EBF4: variants seen among roughly 807,000 people sequenced by gnomAD.
The protein encoded by EBF4 is EBF transcription factor 4, also known as transcription factor COE4.
EBF4 carries 34 observed loss-of-function variants against 67.1 expected under a neutral mutation model. That is an observed-to-expected ratio of 0.51 (90% CI 0.39 to 0.67). EBF4 has a LOEUF of 0.67. Ranked by LOEUF, EBF4 falls within the 30% of genes least tolerant of loss-of-function variation. The probability of loss-of-function intolerance (pLI) is 0.00; values close to 1 mark genes in which losing one functional copy is unlikely to be tolerated. For synonymous variants in EBF4, 387 were observed against 377.7 expected, an observed-to-expected ratio of 1.02 and a Z score of -0.29; for missense variants, 837 against 873.3, an observed-to-expected ratio of 0.96 and a Z score of 0.52.
rs1189001355 is a variant in EBF4, at chr20:2,749,831, C to T, written c.892-16C>T. On this transcript the variant is annotated splice_polypyrimidine_tract_variant and intron_variant, in intron 9 of 16. Transcript: ENST00000609451. ...CGCCGGTGCGGGACCTGCAGGCCTC[C>T]CCTCTCCCCTCGCAGCTCATCACGC... 2.6e-6 allele frequency: 4 copies of T among 1,546,538 alleles called. No individual in the cohort carries two copies. In the Admixed American group the frequency reaches 5.9e-5, roughly 23 times the overall value.
At chr20:2,717,524 G>A (rs2087625942) in intron 6 of EBF4, among the ~76,000 whole-genome samples, 1 of 152,158 alleles carries the variant, frequency 6.6e-6, no homozygotes, top group African/African-American at 2.4e-5. Context: ...TGTATGGGTA[G>A]CTTATTTCCA....
chr20:2,758,956 C>A, exon 16 of EBF4: 1 of 1,551,822 alleles, frequency 6.4e-7, no homozygotes, highest in Non-Finnish European at 8.7e-7. Context: ...AGCCCGGGGG[C>A]TTCAGGGCCT....
Position 2,693,829 on chromosome 20 carries a change from C to T in EBF4, c.137+47C>T. ...GGTGCGCTCGGGTTGGACGGCTGCG[C>T]GCCGCCTCAGCTCAGCTTGCTGGAG... is the stretch of plus-strand genomic sequence containing the variant. On this transcript the variant is annotated intron_variant, in intron 1 of 16. Coordinates refer to ENST00000609451, the Ensembl canonical transcript of EBF4. This position sits in a 1 kb window ranked among gnomAD's most constrained non-coding sequence, Gnocchi z 4.6. 3 of 1,260,158 alleles carry T rather than the reference C, an allele frequency of 2.4e-6. No homozygotes were observed. Among genetic ancestry groups the T allele is most frequent in the African/African-American group, 1.5e-5 (1 of 64,628 alleles). The allele number at this position is 1,260,158 out of a possible 1,614,324, so 78.1% of individuals were successfully genotyped here. A position where few individuals can be genotyped will look rare whatever the true frequency, so the allele number is the denominator to read the frequency against.
intron 1 of EBF4, among the ~76,000 whole-genome samples, chr20:2,698,345 G>A (rs2087325816): frequency 6.6e-6 from 1 of 152,262 alleles, no homozygotes; most frequent in Admixed American, 6.5e-5. Flanking sequence ...TCCTCCCTGT[G>A]CAAGCATTGT....
At chr20:2,697,870 C>T (rs551873199) in intron 1 of EBF4, among the ~76,000 whole-genome samples, 1 of 152,370 alleles carries the variant, frequency 6.6e-6, no homozygotes, top group South Asian at 2.1e-4. Flanking sequence ...CTCTGGAAGG[C>T]CCAGGCCAGA....
exon 10 of EBF4, chr20:2,749,878 C>T (rs1220504776): frequency 3.2e-6 from 5 of 1,551,168 alleles, no homozygotes; most frequent in Non-Finnish European, 3.5e-6. Context: ...CGGGTGCAGA[C>T]GCCCCCGCGG....
rs531986904 is a variant in EBF4 at position 2,706,292 on chromosome 20, C to A, written c.414+28C>A. Reference sequence around the variant, plus strand: ...GAGTCAGCGCAGAGGGTGCTGAGGCCCATCTCACTCTCTTCCCGGACCCTG... The same window carrying A: ...GAGTCAGCGCAGAGGGTGCTGAGGCACATCTCACTCTCTTCCCGGACCCTG... On this transcript the variant is annotated intron_variant, in intron 4 of 16. Coordinates refer to ENST00000609451, the Ensembl canonical transcript of EBF4. 3.2e-6 allele frequency: 5 copies of A among 1,551,586 alleles called. No homozygotes were observed. In the East Asian group the frequency reaches 9.8e-5, roughly 30 times the overall value.
In EBF4 at chr20:2,749,988, G is replaced by T. The variant is rs775855622; in HGVS notation, c.1018+15G>T. The T allele has an allele frequency of 4.0e-5, 62 of 1,543,800 alleles. No homozygotes were observed. The African/African-American group carries it at 7.8e-4, about 19-fold the overall frequency. On this transcript the variant is annotated intron_variant, in intron 10 of 16. Transcript: ENST00000609451. ...TGTCTACACAGGTAAGGAGTCGGGC[G>T]GGGGAGTGGAGGTCTAAGGTGCGCG...
chr20:2,717,452 G>A (rs1263751045), intron 6 of EBF4, among the ~76,000 whole-genome samples: 8 of 152,296 alleles, frequency 5.3e-5, no homozygotes, highest in African/African-American at 1.9e-4. Context: ...AGTCAATTAA[G>A]CCAAATTGAG....
chr20:2,730,595 A>C (rs543739781), intron 6 of EBF4, among the ~76,000 whole-genome samples: 1 of 152,324 alleles, frequency 6.6e-6, no homozygotes, highest in Admixed American at 6.5e-5. Flanking sequence ...GACGTCCCCT[A>C]TACAAGTAAT....
At chr20:2,719,316 C>A (rs562860247) in intron 6 of EBF4, among the ~76,000 whole-genome samples, 15 of 152,112 alleles carry the variant, frequency 9.9e-5, no homozygotes, top group Admixed American at 2.6e-4. Flanking sequence ...GCTCTATTGC[C>A]CAAGCTGGAG....
upstream of EBF4, chr20:2,693,563 T>C: frequency 7.8e-7 from 1 of 1,288,736 alleles, no homozygotes; most frequent in Non-Finnish European, 9.8e-7. This position sits in a 1 kb window ranked among gnomAD's most constrained non-coding sequence, Gnocchi z 4.6. Flanking sequence ...CCTGGTGCCG[T>C]CGGGTCGGGC....
Position 2,705,980 on chromosome 20 carries a change from G to A in EBF4, c.301G>A (p.Gly101Arg), listed in dbSNP as rs777068022. 32 of 1,551,324 alleles carry A rather than the reference G, an allele frequency of 2.1e-5. No homozygotes were observed. In the East Asian group the frequency reaches 2.4e-4, roughly 12 times the overall value. Residue 101 changes from glycine to arginine, a missense_variant, in exon 3 of 17, where the codon GGG (glycine) becomes AGG (arginine). Gly to Arg is a moderately radical substitution (Grantham distance 125). This residue lies in a region of EBF4 where 226 missense variants were observed against 306.5 expected (regional missense o/e 0.74). Transcript: ENST00000609451. Reference sequence around the variant, plus strand: ...TCCCATCTTGTCCCTGCAGGAGCCCGGGGCGGAAAAGACTAACAATGGGAT... The same window carrying A: ...TCCCATCTTGTCCCTGCAGGAGCCCAGGGCGGAAAAGACTAACAATGGGAT...
chr20:2,723,460 C>T (rs2087709306), intron 6 of EBF4, among the ~76,000 whole-genome samples: 1 of 151,766 alleles, frequency 6.6e-6, no homozygotes, highest in Non-Finnish European at 1.5e-5. Flanking sequence ...ACGCCATTCT[C>T]CCGCCTCAGC....
chr20:2,713,234 T>C (rs190908070), intron 6 of EBF4, among the ~76,000 whole-genome samples: 1 of 152,248 alleles, frequency 6.6e-6, no homozygotes, highest in Non-Finnish European at 1.5e-5. Flanking sequence ...GGATGTGACC[T>C]AGTGCATAGG....
chr20:2,706,647 G>A (rs542616881), intron 4 of EBF4, among the ~76,000 whole-genome samples: 5 of 152,224 alleles, frequency 3.3e-5, no homozygotes, highest in East Asian at 3.9e-4. Context: ...GTCCCCCCTC[G>A]AAGCAAGTAC....
chr20:2,754,921 G>T (rs571770652), intron 14 of EBF4, among the ~76,000 whole-genome samples: 2 of 148,130 alleles, frequency 1.4e-5, no homozygotes, highest in African/African-American at 5.0e-5. Flanking sequence ...GTACATCCCT[G>T]CAATTTGCTT....
intron 6 of EBF4, among the ~76,000 whole-genome samples, chr20:2,727,735 A>G (rs2087764352): frequency 6.6e-6 from 1 of 152,188 alleles, no homozygotes; most frequent in Non-Finnish European, 1.5e-5. Context: ...AACACTTATC[A>G]TCTTTTTTAT....
In EBF4 at chr20:2,696,231, G is replaced by A. The variant is rs2087286567; in HGVS notation, c.137+2449G>A. 6.6e-6 allele frequency among the ~76,000 whole-genome samples: 1 copy of A among 152,216 alleles called. No homozygotes were observed. On this transcript the variant is annotated intron_variant, in intron 1 of 16. Coordinates refer to ENST00000609451, the Ensembl canonical transcript of EBF4. This position sits in a 1 kb window ranked among gnomAD's most constrained non-coding sequence, Gnocchi z 4.7. Reference sequence around the variant, plus strand: ...TCACGCCTGTAATTCCAGCACTTTGGGAGGCCAAGGTGGGCGTTTCACTTG... The same window carrying A: ...TCACGCCTGTAATTCCAGCACTTTGAGAGGCCAAGGTGGGCGTTTCACTTG...
Sources: gnomAD v4.1 joint callset for allele counts (sites outside exome capture counted in the v4.1 genomes callset) on GRCh38, gnomAD v4.1.1 for gene constraint, gnomAD v4.1.1 regional missense constraint, Gnocchi (gnomAD v3.1) non-coding constraint, MANE v1.5 for transcripts, NCBI Gene and HGNC (gene_info 2026-07-23, HGNC 2026-07-21) for gene names.